The following SYCP1 variants were observed in gnomAD, a reference collection of about 807,000 sequenced individuals.
The protein encoded by SYCP1 is cancer/testis antigen 8.
In SYCP1, 64 loss-of-function variants were observed where a neutral mutation model predicts 153.1. The ratio of observed to expected loss-of-function variants is 0.42; its 90% CI spans 0.34 to 0.51. The LOEUF (loss-of-function observed/expected upper bound fraction) is 0.51. Among genes scored for constraint, SYCP1 ranks in the 20% least tolerant of loss-of-function variants. SYCP1 has a pLI of 0.06. For missense variants in SYCP1, 997 were observed against 1,049.0 expected, an observed-to-expected ratio of 0.95 and a Z score of 0.68; for synonymous variants, 384 against 341.8, an observed-to-expected ratio of 1.12 and a Z score of -1.36.
intron 5 of SYCP1, among the ~76,000 whole-genome samples, chr1:114,857,995 T>C (rs1371972041): frequency 2.0e-5 from 3 of 152,028 alleles, no homozygotes; most frequent in Non-Finnish European, 4.4e-5. Flanking sequence ...TATTTATATA[T>C]TTTTATAAGA....
At chr1:114,873,459 AG>A (rs1441385511) in intron 8 of SYCP1, among the ~76,000 whole-genome samples, 1 of 152,132 alleles carries the variant, frequency 6.6e-6, no homozygotes, top group African/African-American at 2.4e-5. Context: ...CTGGATGGCT[AG>A]AGGGGGATGG....
At chr1:114,965,957 T>C (rs1432459804) in intron 27 of SYCP1, among the ~76,000 whole-genome samples, 1 of 152,198 alleles carries the variant, frequency 6.6e-6, no homozygotes, top group Non-Finnish European at 1.5e-5. Flanking sequence ...AATTTGGCTG[T>C]GAACCCATCT....
chr1:114,857,492 T>C lies in SYCP1; in HGVS notation c.286T>C (p.Leu96=), dbSNP rs763928872. 6.4e-5 allele frequency: 103 copies of C among 1,597,014 alleles called. 1 individual carries two copies. In the Middle Eastern group the frequency reaches 1.3e-3, roughly 21 times the overall value. ...TCAGGAAGGACTAAAAGACTCTGAT[T>C]TGGAGGTCAGAAGATTTCCCATTCA... ...HYQEGLKDSD[L]ENSEGLSRVY... Residue 96 remains leucine, a synonymous_variant, in exon 5 of 32, where the codon TTG becomes CTG. Transcript: ENST00000369522.
intron 12 of SYCP1, among the ~76,000 whole-genome samples, chr1:114,881,917 G>A (rs1011124585): frequency 2.8e-4 from 42 of 152,212 alleles, no homozygotes; most frequent in African/African-American, 1.0e-3. Flanking sequence ...CATACGCTTA[G>A]TTTTGTTTAA....
chr1:114,933,311 C>T (rs1057470354), intron 23 of SYCP1, among the ~76,000 whole-genome samples: 2 of 152,192 alleles, frequency 1.3e-5, no homozygotes, highest in African/African-American at 4.8e-5. Flanking sequence ...CCAGCAAACT[C>T]CAACAGACCT....
At chr1:114,987,226 T>G (rs1018068942) in intron 30 of SYCP1, among the ~76,000 whole-genome samples, 2 of 151,932 alleles carry the variant, frequency 1.3e-5, no homozygotes, top group Non-Finnish European at 2.9e-5. Context: ...GAGAAGACCA[T>G]AAGCTTTTAT....
chr1:114,932,737 A>G (rs1175055060), intron 23 of SYCP1, among the ~76,000 whole-genome samples: 1 of 152,194 alleles, frequency 6.6e-6, no homozygotes, highest in African/African-American at 2.4e-5. Flanking sequence ...TTAGCAAACA[A>G]CACACCAGGA....
chr1:114,901,568 G>A (rs182687321), intron 16 of SYCP1, among the ~76,000 whole-genome samples: 1 of 152,250 alleles, frequency 6.6e-6, no homozygotes, highest in Non-Finnish European at 1.5e-5. Flanking sequence ...ATTGAACCTG[G>A]GGCCACCATT....
At chr1:114,927,939 G>A (rs1160031430) in intron 23 of SYCP1, among the ~76,000 whole-genome samples, 1 of 152,016 alleles carries the variant, frequency 6.6e-6, no homozygotes, top group Non-Finnish European at 1.5e-5. Context: ...TCCTACCTCA[G>A]CCTCCTGAGT....
chr1:114,924,435 G>A (rs1367434356), intron 21 of SYCP1, among the ~76,000 whole-genome samples: 1 of 152,076 alleles, frequency 6.6e-6, no homozygotes, highest in Non-Finnish European at 1.5e-5. Flanking sequence ...GTGCTGGCCA[G>A]ACCAAACATA....
At chr1:114,937,839 A>C (rs1182379806) in intron 23 of SYCP1, among the ~76,000 whole-genome samples, 1 of 152,212 alleles carries the variant, frequency 6.6e-6, no homozygotes. Context: ...AATCAAAACC[A>C]CAATGAGATA....
chr1:114,890,272 G>A (rs572383520), intron 15 of SYCP1, among the ~76,000 whole-genome samples: 78 of 151,662 alleles, frequency 5.1e-4, no homozygotes, highest in African/African-American at 1.6e-3. Flanking sequence ...ATTTCCTTTA[G>A]GAAAAGGGAA....
intron 15 of SYCP1, among the ~76,000 whole-genome samples, chr1:114,888,448 TGTG>T (rs779859429): frequency 3.6e-4 from 54 of 152,098 alleles, no homozygotes; most frequent in South Asian, 1.0e-3. Flanking sequence ...ATCGGAAATG[TGTG>T]CTTTACATTT....
chr1:114,857,341 A>G (rs1258900853), intron 4 of SYCP1, 66 bp downstream of exon 4: 5 of 1,556,452 alleles, frequency 3.2e-6, no homozygotes, highest in Non-Finnish European at 4.4e-6. Flanking sequence ...TTGAAGACGA[A>G]AAAAGTCTTT....
intron 15 of SYCP1, among the ~76,000 whole-genome samples, chr1:114,894,996 A>G (rs1456561485): frequency 1.3e-5 from 2 of 151,842 alleles, no homozygotes; most frequent in African/African-American, 2.4e-5. Flanking sequence ...GAATCTGTGT[A>G]TATTGGTAGC....
intron 20 of SYCP1, among the ~76,000 whole-genome samples, chr1:114,918,345 C>T (rs199542345): frequency 6.6e-6 from 1 of 152,020 alleles, no homozygotes; most frequent in Admixed American, 6.6e-5. Flanking sequence ...TTTCATTGGT[C>T]TATATTTCTG....
chr1:114,889,888 C>T (rs1666585061), intron 15 of SYCP1, among the ~76,000 whole-genome samples: 1 of 151,780 alleles, frequency 6.6e-6, no homozygotes, highest in Admixed American at 6.6e-5. Context: ...TATACCTATA[C>T]TTATTTTCTT....
chr1:114,984,389 A>T (rs1173240533), intron 29 of SYCP1, among the ~76,000 whole-genome samples: 1 of 152,050 alleles, frequency 6.6e-6, no homozygotes, highest in Non-Finnish European at 1.5e-5. Context: ...TTCGATCATG[A>T]TTAGAAATAT....
intron 8 of SYCP1, among the ~76,000 whole-genome samples, chr1:114,867,892 G>A (rs1417320419): frequency 2.0e-5 from 3 of 151,752 alleles, no homozygotes; most frequent in Non-Finnish European, 4.4e-5. Context: ...TTAGCTATAG[G>A]TTTCTGTAGA....
Sources: gnomAD v4.1 joint callset for allele counts (sites outside exome capture counted in the v4.1 genomes callset) on GRCh38, gnomAD v4.1.1 for gene constraint, MANE v1.5 for transcripts, NCBI Gene and HGNC (gene_info 2026-07-23, HGNC 2026-07-21) for gene names.